DACT1: variants seen among roughly 807,000 people sequenced by gnomAD.
DACT1 encodes dishevelled binding antagonist of beta catenin 1, also known as dapper homolog 1.
DACT1 carries 19 observed loss-of-function variants against 35.3 expected under a neutral mutation model. The ratio of observed to expected loss-of-function variants is 0.54; its 90% CI spans 0.38 to 0.79. The LOEUF is 0.79. DACT1 is among the 30% of genes least tolerant of loss of function. The pLI, the probability that DACT1 is intolerant of heterozygous loss-of-function variation, is 0.00. For synonymous variants in DACT1, 545 were observed against 466.7 expected (o/e 1.17, Z -2.16); for missense variants, 1,143 against 1,057.5 (o/e 1.08, Z -1.12).
At chr14:58,642,967 G>A (rs76851863) in intron 3 of DACT1, among the ~76,000 whole-genome samples, 13,597 of 152,176 alleles carry the variant, frequency 0.089, 910 homozygotes, top group African/African-American at 0.18. Flanking sequence ...TGCTCTGTAT[G>A]TATTTATCTC....
chr14:58,645,350 T>C lies in DACT1; in HGVS notation c.635-19T>C, dbSNP rs1201262173. 3.7e-6 allele frequency: 6 copies of C among 1,614,152 alleles called. No individual in the cohort carries two copies. The highest frequency in any genetic ancestry group is 3.3e-5 in the South Asian group (3 of 91,086). On this transcript the variant is annotated intron_variant, in intron 3 of 3. Coordinates refer to ENST00000395153, the MANE Select transcript of DACT1 (RefSeq NM_001079520.2). ...TTCCCTCTCCACACCACAATTTAAT[T>C]CCCTTGATGTCATTGCAGATGTGAA...
At position 58,645,661 on chromosome 14, in the gene DACT1, C is replaced by G. The variant is rs1358506369; in HGVS notation, c.927C>G (p.Val309=). 3.1e-6 allele frequency: 5 copies of G among 1,614,030 alleles called. No homozygotes were observed. The highest frequency in any genetic ancestry group is 1.6e-4 in the Middle Eastern group (1 of 6,084). The change falls in exon 4 of 4, where the codon GTC becomes GTG. Residue 309 remains valine, a synonymous_variant. Coordinates refer to ENST00000395153, the MANE Select transcript of DACT1 (RefSeq NM_001079520.2). ...KKMDGYILSL[V]QKKTHPVRTN... ...TGGATGGCTACATTCTGAGCCTGGT[C>G]CAGAAAAAAACACACCCTGTAAGGA... is the stretch of plus-strand genomic sequence containing the variant.
intron 3 of DACT1, among the ~76,000 whole-genome samples, chr14:58,644,278 G>T (rs925460490): frequency 6.6e-6 from 1 of 152,056 alleles, no homozygotes; most frequent in African/African-American, 2.4e-5. Flanking sequence ...ATATTACCAA[G>T]AATTCTTTAT....
chr14:58,641,885 T>A (rs2047630462), intron 3 of DACT1, 138 bp downstream of exon 3: 3 of 778,350 alleles, frequency 3.9e-6, no homozygotes, highest in Non-Finnish European at 6.1e-6. Context: ...CATACTTACA[T>A]CTAGAACTCA....
chr14:58,639,456 G>A (rs2140212340), intron 1 of DACT1, among the ~76,000 whole-genome samples: 1 of 152,340 alleles, frequency 6.6e-6, no homozygotes, highest in South Asian at 2.1e-4. Context: ...GTCCTCACCT[G>A]ACCAAGTGAT....
Position 58,644,697 on chromosome 14 carries a change from A to C in DACT1, c.635-672A>C, listed in dbSNP as rs567967294. 3.9e-4 allele frequency among the ~76,000 whole-genome samples: 59 copies of C among 152,366 alleles called. No homozygotes were observed. In the South Asian group the frequency reaches 0.011, roughly 28 times the overall value. On this transcript the variant is annotated intron_variant, in intron 3 of 3. Coordinates refer to ENST00000395153, the MANE Select transcript of DACT1 (RefSeq NM_001079520.2). ...TTTAAAAAAACACAAAATGAGGAGA[A>C]AGCCTACTGAACGTACAGTTTATCC...
In DACT1 at chr14:58,646,661, A is replaced by G. The variant is rs769039888; in HGVS notation, c.1927A>G (p.Lys643Glu). 3.1e-6 allele frequency: 5 copies of G among 1,611,930 alleles called. No individual in the cohort carries two copies. In the Admixed American group the frequency reaches 6.7e-5, roughly 21 times the overall value. Residue 643 changes from lysine to glutamate, a missense_variant, in exon 4 of 4, where the codon AAG becomes GAG. By Grantham distance (56) the Lys-to-Glu change is moderately conservative. This residue lies in a region of DACT1 where 1,054 missense variants were observed against 958.8 expected (regional missense o/e 1.10). Coordinates refer to ENST00000395153, the MANE Select transcript of DACT1 (RefSeq NM_001079520.2). Reference sequence around the variant, plus strand: ...CAAGCGAACTGACTACCGGCGGTGGAAGTCCTCGGCCGAGATTTCCTACGA... The same window carrying G: ...CAAGCGAACTGACTACCGGCGGTGGGAGTCCTCGGCCGAGATTTCCTACGA... ...KHKRTDYRRW[K>E]SSAEISYEEA...
chr14:58,646,633 G>C lies in DACT1; in HGVS notation c.1899G>C (p.Lys633Asn), dbSNP rs754847137. 2 of 1,611,098 alleles carry C rather than the reference G, an allele frequency of 1.2e-6. No individual in the cohort carries two copies. Among genetic ancestry groups the C allele is most frequent in the Admixed American group, 1.7e-5 (1 of 59,856 alleles). The change falls in exon 4 of 4, where the codon AAG becomes AAC. Residue 633 changes from lysine to asparagine, a missense_variant. Around this residue, in one of 3 missense-constraint regions of DACT1, gnomAD observed 1,054 missense variants for 958.8 expected, o/e 1.10. Coordinates refer to ENST00000395153, the MANE Select transcript of DACT1 (RefSeq NM_001079520.2). The stretch of plus-strand genomic sequence containing the variant: ...GGGAGGCGGTGGTGGCCAAACCTAA[G>C]CACAAGCGAACTGACTACCGGCGGT... ...HGREAVVAKPKHKRTDYRRWK... is the reference protein window; with the variant it reads ...HGREAVVAKPNHKRTDYRRWK...
In DACT1 at chr14:58,646,549, T is replaced by A; in HGVS notation, c.1815T>A (p.Val605=). Residue 605 remains valine (V), a synonymous_variant, in exon 4 of 4, where the codon GTT becomes GTA. Transcript: ENST00000395153. Reference sequence around the variant, plus strand: ...GTGGGGGCGGGCCCGAGGCTGGTGTTCCCGGCAGGCCCGCGGGCGGGGGCC... The same window carrying A: ...GTGGGGGCGGGCCCGAGGCTGGTGTACCCGGCAGGCCCGCGGGCGGGGGCC... The part of the protein sequence containing the change: ...RKSGGGPEAG[V]PGRPAGGGHR... 6.4e-7 allele frequency: 1 copy of A among 1,555,916 alleles called. No individual in the cohort carries two copies. The highest frequency in any genetic ancestry group is 8.7e-7 in the Non-Finnish European group (1 of 1,153,150).
chr14:58,646,003 G>T lies in DACT1; in HGVS notation c.1269G>T (p.Ser423=). Reference sequence around the variant, plus strand: ...TGCCAAAAACGGCCAAGCCAGCCTCGCAAGAACATGCTCGGTGTTCCGCCA... The same window carrying T: ...TGCCAAAAACGGCCAAGCCAGCCTCTCAAGAACATGCTCGGTGTTCCGCCA... The part of the protein sequence containing the change: ...KHLPKTAKPA[S]QEHARCSAIG... The change falls in exon 4 of 4, where the codon TCG becomes TCT. Residue 423 remains serine, a synonymous_variant. Coordinates refer to ENST00000395153, the MANE Select transcript of DACT1 (RefSeq NM_001079520.2). The T allele has an allele frequency of 6.2e-7, 1 of 1,614,044 alleles. No individual in the cohort carries two copies. Among genetic ancestry groups the T allele is most frequent in the Non-Finnish European group, 8.5e-7 (1 of 1,180,028 alleles).
At chr14:58,637,383 A>T (rs1319438672), upstream of DACT1, among the ~76,000 whole-genome samples, 1 of 152,258 alleles carries the variant, frequency 6.6e-6, no homozygotes, top group Non-Finnish European at 1.5e-5. Flanking sequence ...AAGTTTTAGA[A>T]CACTGCATTG....
intron 2 of DACT1, among the ~76,000 whole-genome samples, chr14:58,641,117 T>A (rs2047622632): frequency 6.6e-6 from 1 of 152,210 alleles, no homozygotes; most frequent in Non-Finnish European, 1.5e-5. Flanking sequence ...TATTCAAATT[T>A]CTGCAAGAGG....
intron 3 of DACT1, among the ~76,000 whole-genome samples, chr14:58,642,902 T>A (rs191525699): frequency 1.6e-4 from 25 of 152,364 alleles, no homozygotes; most frequent in African/African-American, 5.8e-4. Context: ...GAAGGAATCA[T>A]GCTATTGTAC....
chr14:58,646,282 C>G lies in DACT1; in HGVS notation c.1548C>G (p.His516Gln), dbSNP rs1360509718. The G allele has an allele frequency of 1.2e-6, 2 of 1,613,208 alleles. No homozygotes were observed. The highest frequency in any genetic ancestry group is 2.2e-5 in the South Asian group (2 of 90,936). Residue 516 changes from histidine to glutamine, a missense_variant, in exon 4 of 4, where the codon CAC (histidine) becomes CAG (glutamine). This residue lies in a region of DACT1 where 1,054 missense variants were observed against 958.8 expected (regional missense o/e 1.10). Transcript: ENST00000395153. ...EGSSQSLEEAHLVKAQFIPGQ... is the reference protein window; with the variant it reads ...EGSSQSLEEAQLVKAQFIPGQ... Reference sequence around the variant, plus strand: ...CTTCCCAAAGCCTGGAGGAAGCGCACCTGGTCAAGGCCCAGTTTATCCCGG... The same window carrying G: ...CTTCCCAAAGCCTGGAGGAAGCGCAGCTGGTCAAGGCCCAGTTTATCCCGG...
chr14:58,645,250 T>C (rs1448191794), intron 3 of DACT1, 119 bp from the exon 4 acceptor site: 2 of 1,610,578 alleles, frequency 1.2e-6, no homozygotes, highest in Admixed American at 3.3e-5. Flanking sequence ...CCTTTAACTG[T>C]TTTTCAGATC....
rs1311183725 is a variant in DACT1 at position 58,645,737 on chromosome 14, AGGAACG to A, written c.1007_1012del (p.Asn336_Gly337del). 30 of 1,614,148 alleles carry A rather than the reference AGGAACG, an allele frequency of 1.9e-5. No individual in the cohort carries two copies. Among genetic ancestry groups the A allele is most frequent in the Non-Finnish European group, 2.5e-5 (29 of 1,180,058 alleles). ...CGCTGACCCCACGAAAGGGCTTCTG[AGGAACG>A]GGAGCGTTTGTGTCAGAGCCCCGGG... On this transcript the variant is annotated inframe_deletion, in exon 4 of 4. Coordinates refer to ENST00000395153, the MANE Select transcript of DACT1 (RefSeq NM_001079520.2).
At chr14:58,641,115 T>C (rs1377401511) in intron 2 of DACT1, among the ~76,000 whole-genome samples, 1 of 152,228 alleles carries the variant, frequency 6.6e-6, no homozygotes, top group Non-Finnish European at 1.5e-5. Context: ...GCTATTCAAA[T>C]TTCTGCAAGA....
At chr14:58,645,309 CAG>C in intron 3 of DACT1, 58 bp from the exon 4 acceptor site, 1 of 1,614,214 alleles carries the variant, frequency 6.2e-7, no homozygotes, top group Non-Finnish European at 8.5e-7. Flanking sequence ...GACCAGGCCT[CAG>C]GGGCAGTTTG....
At chr14:58,641,097 A>C (rs2047622437) in intron 2 of DACT1, among the ~76,000 whole-genome samples, 1 of 152,240 alleles carries the variant, frequency 6.6e-6, no homozygotes, top group Non-Finnish European at 1.5e-5. Context: ...CCAAGTTTAA[A>C]AATAAAAGCT....
Sources: gnomAD v4.1 joint callset for allele counts (sites outside exome capture counted in the v4.1 genomes callset) on GRCh38, gnomAD v4.1.1 for gene constraint, gnomAD v4.1.1 regional missense constraint, MANE v1.5 for transcripts, NCBI Gene and HGNC (gene_info 2026-07-23, HGNC 2026-07-21) for gene names.